The following NLGN1 variants were observed in gnomAD, a reference collection of about 807,000 sequenced individuals.
NLGN1 encodes the protein neuroligin 1.
In NLGN1, 12 loss-of-function variants were observed where a neutral mutation model predicts 65.5. The ratio of observed to expected loss-of-function variants is 0.18; its 90% CI spans 0.12 to 0.30. The LOEUF is 0.30. NLGN1 is among the 10% of genes least tolerant of loss of function. NLGN1 has a pLI of 1.00. For missense variants in NLGN1, 750 were observed against 1,007.1 expected (o/e 0.74, Z 3.46); for synonymous variants, 350 against 359.5 (o/e 0.97, Z 0.30).
At chr3:173,608,410 T>C (rs2149460372) in intron 3 of NLGN1, among the ~76,000 whole-genome samples, 1 of 152,032 alleles carries the variant, frequency 6.6e-6, no homozygotes, top group South Asian at 2.1e-4. Flanking sequence ...GCAGATAACA[T>C]GATAGAAACT....
At chr3:173,802,986 G>T (rs769110074) in intron 3 of NLGN1, among the ~76,000 whole-genome samples, 1 of 151,882 alleles carries the variant, frequency 6.6e-6, no homozygotes, top group African/African-American at 2.4e-5. Flanking sequence ...GGGATTATAG[G>T]CGCCTGCCAC....
chr3:174,157,208 A>G (rs1725600409), intron 4 of NLGN1, among the ~76,000 whole-genome samples: 1 of 151,632 alleles, frequency 6.6e-6, no homozygotes, highest in Non-Finnish European at 1.5e-5. Context: ...CAAGATTTTT[A>G]GATCATTTAT....
chr3:173,441,303 A>G (rs146661820), intron 2 of NLGN1, among the ~76,000 whole-genome samples: 1 of 152,244 alleles, frequency 6.6e-6, no homozygotes, highest in Non-Finnish European at 1.5e-5. Context: ...TCACACTTTT[A>G]ATTTTCTTCA....
At chr3:173,536,412 C>T (rs1218975075) in intron 2 of NLGN1, among the ~76,000 whole-genome samples, 1 of 152,032 alleles carries the variant, frequency 6.6e-6, no homozygotes, top group African/African-American at 2.4e-5. Context: ...CTCATCAATA[C>T]CTGGGGGAAA....
At chr3:174,002,457 G>A (rs535189284) in intron 4 of NLGN1, among the ~76,000 whole-genome samples, 1 of 152,252 alleles carries the variant, frequency 6.6e-6, no homozygotes, top group Admixed American at 6.5e-5. Context: ...CACTTAAAAT[G>A]TTAAGTGAAT....
intron 3 of NLGN1, among the ~76,000 whole-genome samples, chr3:173,696,920 A>G (rs1387797690): frequency 6.6e-6 from 1 of 152,182 alleles, no homozygotes; most frequent in Non-Finnish European, 1.5e-5. Context: ...TCATAGAAGT[A>G]TATTGCTACA....
chr3:174,086,302 T>G (rs1449900055), intron 4 of NLGN1, among the ~76,000 whole-genome samples: 4 of 150,512 alleles, frequency 2.7e-5, no homozygotes, highest in Non-Finnish European at 4.4e-5. Context: ...TATATTTATG[T>G]ATGTGCATAA....
chr3:173,549,389 A>G (rs1740469256), intron 2 of NLGN1, among the ~76,000 whole-genome samples: 1 of 152,032 alleles, frequency 6.6e-6, no homozygotes, highest in African/African-American at 2.4e-5. Context: ...TGGCTACATA[A>G]TAGGTGTATA....
chr3:173,644,000 T>C (rs557331311), intron 3 of NLGN1, among the ~76,000 whole-genome samples: 6 of 152,198 alleles, frequency 3.9e-5, no homozygotes, highest in Non-Finnish European at 8.8e-5. Flanking sequence ...GCAGATCACC[T>C]GAGCCCTGGG....
chr3:174,051,079 T>C (rs1236757876), intron 4 of NLGN1, among the ~76,000 whole-genome samples: 1 of 152,124 alleles, frequency 6.6e-6, no homozygotes, highest in Non-Finnish European at 1.5e-5. Flanking sequence ...GTACCAACTC[T>C]GCTTTAATTT....
chr3:173,883,706 C>T (rs1248140887), intron 4 of NLGN1, among the ~76,000 whole-genome samples: 3 of 151,948 alleles, frequency 2.0e-5, no homozygotes, highest in South Asian at 2.1e-4. Flanking sequence ...ATTTAAATCC[C>T]TGTACTATAT....
intron 4 of NLGN1, among the ~76,000 whole-genome samples, chr3:173,897,757 A>G (rs1208035599): frequency 1.3e-5 from 2 of 152,206 alleles, no homozygotes; most frequent in East Asian, 1.9e-4. Flanking sequence ...ACTGAACCAG[A>G]TAAGCTTTAG....
At position 174,098,747 on chromosome 3, in the gene NLGN1, G is replaced by A. The variant is rs181042365; in HGVS notation, c.647-176568G>A. ...CACAAAGGCCACTGGTCCACAAATC[G>A]ATCACACCTTGAGTAACAAGAGTAT... On this transcript the variant is annotated intron_variant, in intron 4 of 6. Coordinates refer to ENST00000457714, the Ensembl canonical transcript of NLGN1. 5.6e-4 allele frequency among the ~76,000 whole-genome samples: 85 copies of A among 152,158 alleles called. No homozygotes were observed. The Middle Eastern group carries it at 0.017, about 30-fold the overall frequency.
intron 4 of NLGN1, among the ~76,000 whole-genome samples, chr3:174,049,459 G>T (rs1734333269): frequency 6.6e-6 from 1 of 151,996 alleles, no homozygotes; most frequent in Non-Finnish European, 1.5e-5. Flanking sequence ...TTACACCATG[G>T]CAATAGTGTA....
downstream of NLGN1, among the ~76,000 whole-genome samples, chr3:174,288,064 A>G (rs182801681): frequency 9.2e-5 from 14 of 151,738 alleles, no homozygotes; most frequent in Admixed American, 9.2e-4. Flanking sequence ...AATAGGTCCA[A>G]ACACATGGAC....
intron 4 of NLGN1, among the ~76,000 whole-genome samples, chr3:174,026,954 A>G (rs1579852484): frequency 1.3e-5 from 2 of 152,270 alleles, no homozygotes; most frequent in East Asian, 3.9e-4. Context: ...AAATACATTT[A>G]TTAAGCAGCA....
At chr3:173,637,994 A>T (rs912503970) in intron 3 of NLGN1, among the ~76,000 whole-genome samples, 4 of 152,194 alleles carry the variant, frequency 2.6e-5, no homozygotes, top group African/African-American at 9.7e-5. Flanking sequence ...GCAATTGAAG[A>T]TATATACTAA....
chr3:173,559,799 T>C (rs535985318), intron 2 of NLGN1, among the ~76,000 whole-genome samples: 2 of 152,212 alleles, frequency 1.3e-5, no homozygotes, highest in African/African-American at 2.4e-5. Context: ...TTATGGCTAG[T>C]AAAATGAAAT....
chr3:174,283,397 A>T (rs1287570697), exon 7 of NLGN1: 1 of 151,522 alleles, frequency 6.6e-6, no homozygotes, highest in African/African-American at 2.4e-5. Context: ...CAGATGTTGT[A>T]GAAATAAAGT....
Sources: gnomAD v4.1 joint callset for allele counts (sites outside exome capture counted in the v4.1 genomes callset) on GRCh38, gnomAD v4.1.1 for gene constraint, MANE v1.5 for transcripts, NCBI Gene and HGNC (gene_info 2026-07-23, HGNC 2026-07-21) for gene names.